COQ8A: variants seen among roughly 807,000 people sequenced by gnomAD.
COQ8A encodes atypical kinase COQ8A, mitochondrial.
Under a neutral mutation model 65.0 loss-of-function variants are expected in COQ8A, and 51 were observed. The ratio of observed to expected loss-of-function variants is 0.78; its 90% confidence interval spans 0.63 to 0.99. The LOEUF (loss-of-function observed/expected upper bound fraction) is 0.99, where lower values mean the gene tolerates loss of function less well. Among genes scored for constraint, COQ8A ranks in the 50% least tolerant of loss-of-function variants. The pLI is 0.00. For missense variants in COQ8A, 940 were observed against 875.0 expected (o/e 1.07, Z -0.94); for synonymous variants, 371 against 353.2 (o/e 1.05, Z -0.57).
intron 14 of COQ8A, 33 bp downstream of exon 14, chr1:226,985,373 G>C (rs749841679): frequency 1.2e-6 from 2 of 1,606,930 alleles, no homozygotes; most frequent in Non-Finnish European, 1.7e-6. Flanking sequence ...CCCTGGGCCT[G>C]CTGACCCAGG....
In COQ8A at chr1:226,983,620, C is replaced by G; in HGVS notation, c.1149C>G (p.Asn383Lys). 6.2e-7 allele frequency: 1 copy of G among 1,614,012 alleles called. No individual in the cohort carries two copies. The highest frequency in any genetic ancestry group is 8.5e-7 in the Non-Finnish European group (1 of 1,180,010). Reference protein sequence around the residue: ...NNLMAVLNMSNMLPEGLFPEH... With the variant: ...NNLMAVLNMSKMLPEGLFPEH... ...TCATGGCCGTGTTGAACATGAGCAA[C>G]ATGCTTCCAGAAGGTCTGAGGCTAG... Residue 383 changes from asparagine (N) to lysine (K), a missense_variant, in exon 9 of 15, where the codon AAC becomes AAG. Physicochemically the swap from Asn to Lys is moderately conservative, Grantham distance 94. Coordinates refer to ENST00000366777, the MANE Select transcript of COQ8A (RefSeq NM_020247.5).
At chr1:226,947,958 G>A (rs888580368) in intron 1 of COQ8A, among the ~76,000 whole-genome samples, 5 of 152,156 alleles carry the variant, frequency 3.3e-5, no homozygotes, top group African/African-American at 9.7e-5. Context: ...GCATTCAGTA[G>A]TATTTGTGGA....
At chr1:226,978,382 A>C (rs1572068908) in intron 5 of COQ8A, among the ~76,000 whole-genome samples, 1 of 45,292 alleles carries the variant, frequency 2.2e-5, no homozygotes, top group Non-Finnish European at 4.1e-5. Flanking sequence ...CACACCCTCC[A>C]CATACCCTCC....
At chr1:226,954,136 T>C (rs1558182493) in intron 1 of COQ8A, among the ~76,000 whole-genome samples, 1 of 152,232 alleles carries the variant, frequency 6.6e-6, no homozygotes, top group Non-Finnish European at 1.5e-5. Context: ...TGCCAAAGCA[T>C]CCTTGAATTG....
At position 226,972,401 on chromosome 1, in the gene COQ8A, G is replaced by A. The variant is rs1658959317; in HGVS notation, c.656-5048G>A. 6.6e-6 allele frequency among the ~76,000 whole-genome samples: 1 copy of A among 152,204 alleles called. No homozygotes were observed. The highest frequency in any genetic ancestry group is 2.4e-5 in the African/African-American group (1 of 41,442). ...GAGATGCTCATATGAGAAAAAGCAG[G>A]TCAGTGGGCCAGGAATGAAGAGTAG... is the stretch of plus-strand genomic sequence containing the variant. On this transcript the variant is annotated intron_variant, in intron 4 of 14. Coordinates refer to ENST00000366777, the MANE Select transcript of COQ8A (RefSeq NM_020247.5). The surrounding 1 kb of genome is among the most constrained non-coding windows in gnomAD (Gnocchi z 4.3).
rs560537732 is a variant in COQ8A, at chr1:226,985,144, C to T, written c.1573-110C>T. On this transcript the variant is annotated intron_variant, in intron 13 of 14. Transcript: ENST00000366777. ...CACAGCACTGGCCGGGGGCCCTGTG[C>T]AGGGAGAGGATGAGGGTGGGGTGGG... is the stretch of plus-strand genomic sequence containing the variant. The T allele has an allele frequency of 1.1e-3, 1,513 of 1,320,444 alleles. 1 individual carries two copies. The highest frequency in any genetic ancestry group is 1.6e-3 in the Non-Finnish European group (1,449 of 925,488). 81.8% of individuals were successfully genotyped at this position (1,320,444 alleles called of 1,614,324 possible).
At chr1:226,975,420 T>C (rs1440590515) in intron 4 of COQ8A, among the ~76,000 whole-genome samples, 1 of 152,218 alleles carries the variant, frequency 6.6e-6, no homozygotes, top group Non-Finnish European at 1.5e-5. Flanking sequence ...TGGGATGTGC[T>C]GAGTATAAAA....
At chr1:226,955,470 T>TCTCCCTGGCTGCC (rs1657640217) in intron 1 of COQ8A, among the ~76,000 whole-genome samples, 1 of 84,454 alleles carries the variant, frequency 1.2e-5, no homozygotes, top group African/African-American at 4.5e-5. Context: ...CCCTGGCTCC[T>TCTCCCTGGCTGCC]ACTCTCCCTG....
At chr1:226,963,487 C>T (rs1288156287) in intron 2 of COQ8A, among the ~76,000 whole-genome samples, 1 of 152,236 alleles carries the variant, frequency 6.6e-6, no homozygotes, top group Non-Finnish European at 1.5e-5. Context: ...GTGTTAGTAG[C>T]ACAGGGCCAG....
In COQ8A at chr1:226,986,566, T is replaced by C. The variant is rs369502091; in HGVS notation, c.1773T>C (p.Ile591=). ...QSTTEKIHNL[I]PVMLRHRLVP... ...CCACCGAGAAGATCCACAACCTGAT[T>C]CCCGTCATGCTGAGGCACCGTCTCG... Residue 591 remains isoleucine, a synonymous_variant, in exon 15 of 15, where the codon ATT becomes ATC. Coordinates refer to ENST00000366777, the MANE Select transcript of COQ8A (RefSeq NM_020247.5). 15 of 1,613,452 alleles carry C rather than the reference T, an allele frequency of 9.3e-6. No homozygotes were observed. The East Asian group carries it at 1.6e-4, about 17-fold the overall frequency.
At chr1:226,953,941 T>G (rs935210459) in intron 1 of COQ8A, among the ~76,000 whole-genome samples, 6 of 152,220 alleles carry the variant, frequency 3.9e-5, no homozygotes, top group African/African-American at 1.4e-4. Context: ...AAACAGTCAA[T>G]TGTTTTCTTT....
Position 226,984,172 on chromosome 1 carries a change from A to G in COQ8A, c.1335A>G (p.Thr445=), listed in dbSNP as rs562770213. 2.5e-6 allele frequency: 4 copies of G among 1,613,742 alleles called. No homozygotes were observed. In the Admixed American group the frequency reaches 5.0e-5, roughly 20 times the overall value. The change falls in exon 11 of 15, where the codon ACA becomes ACG. Residue 445 remains threonine, a synonymous_variant. Transcript: ENST00000366777. ...TCTGCAGCCCACATGTGCTGACCACAGAGCTGGTGTCTGGCTTCCCCCTGG... is the reference window on the plus strand; with the variant it reads ...TCTGCAGCCCACATGTGCTGACCACGGAGCTGGTGTCTGGCTTCCCCCTGG... ...DELCSPHVLT[T]ELVSGFPLDQ...
Position 226,985,417 on chromosome 1 carries a change from CAG to C in COQ8A, c.1659+78_1659+79del, listed in dbSNP as rs1660040581. On this transcript the variant is annotated intron_variant, in intron 14 of 14. Transcript: ENST00000366777. Reference sequence around the variant, plus strand: ...CCCTGTGTAAGAATGGATGAAAGCACAGGGGGCAGCTGCCCTCAAGGGGCCCC... The same window carrying C: ...CCCTGTGTAAGAATGGATGAAAGCACGGGGCAGCTGCCCTCAAGGGGCCCC... The C allele has an allele frequency of 2.6e-6, 4 of 1,543,816 alleles. No homozygotes were observed. In the South Asian group the frequency reaches 3.3e-5, roughly 13 times the overall value.
chr1:226,960,608 CGGTGGTGATGGTGGTGGTGGTGGTGGT>C (rs1240185964), intron 1 of COQ8A, among the ~76,000 whole-genome samples: 2 of 67,386 alleles, frequency 3.0e-5, no homozygotes, highest in Non-Finnish European at 6.2e-5. Flanking sequence ...GCGGCAGTGG[CGGTGGTGATGGTGGTGGTGGTGGTGGT>C]GGTGGTAGTG....
intron 5 of COQ8A, among the ~76,000 whole-genome samples, chr1:226,978,571 CCA>C (rs1214704680): frequency 2.1e-5 from 2 of 95,862 alleles, no homozygotes; most frequent in African/African-American, 5.8e-5. Flanking sequence ...CAGCCACACA[CCA>C]CCTTACACAC....
At position 226,968,855 on chromosome 1, in the gene COQ8A, A is replaced by T. The variant is rs939500117; in HGVS notation, c.655+3118A>T. ...ACATTATGACTGTGATGCTATGGGC[A>T]GGATGATCTGTGGATATTAGATTTT... On this transcript the variant is annotated intron_variant, in intron 4 of 14. Transcript: ENST00000366777. 2.6e-5 allele frequency among the ~76,000 whole-genome samples: 4 copies of T among 152,214 alleles called. 1 individual carries two copies. Among genetic ancestry groups the T allele is most frequent in the African/African-American group, 9.7e-5 (4 of 41,450 alleles).
intron 5 of COQ8A, among the ~76,000 whole-genome samples, chr1:226,979,558 G>A (rs1659567133): frequency 1.3e-5 from 2 of 152,108 alleles, no homozygotes; most frequent in South Asian, 4.1e-4. Flanking sequence ...CTGGTATCAC[G>A]CCCTTCCACC....
At position 226,965,039 on chromosome 1, in the gene COQ8A, G is replaced by A. The variant is rs1244551709; in HGVS notation, c.217G>A (p.Gly73Ser). The A allele has an allele frequency of 4.3e-6, 7 of 1,613,850 alleles. No homozygotes were observed. The African/African-American group carries it at 6.7e-5, about 15-fold the overall frequency. Residue 73 changes from glycine to serine, a missense_variant, in exon 3 of 15, where the codon GGC becomes AGC. Gly to Ser is a moderately conservative substitution (Grantham distance 56, BLOSUM62 0). Transcript: ENST00000366777. The stretch of plus-strand genomic sequence containing the variant: ...TGAAGAATATTTTGCTGAGAACTTC[G>A]GCGGCCCAGAAGGGGAGTTCCACTT... Reference protein sequence around the residue: ...KHEEYFAENFGGPEGEFHFSV... With the variant: ...KHEEYFAENFSGPEGEFHFSV...
At chr1:226,951,951 A>G (rs560309833) in intron 1 of COQ8A, among the ~76,000 whole-genome samples, 2 of 152,330 alleles carry the variant, frequency 1.3e-5, no homozygotes, top group South Asian at 4.1e-4. Flanking sequence ...CCCTGGAAGG[A>G]CACTAATTAT....
Sources: gnomAD v4.1 joint callset for allele counts (sites outside exome capture counted in the v4.1 genomes callset) on GRCh38, gnomAD v4.1.1 for gene constraint, Gnocchi (gnomAD v3.1) non-coding constraint, MANE v1.5 for transcripts, NCBI Gene and HGNC (gene_info 2026-07-23, HGNC 2026-07-21) for gene names.